Variants in TMEM87B observed in about 807,000 individuals in gnomAD.
TMEM87B encodes the protein transmembrane protein 87B.
A neutral mutation model predicts 80.3 loss-of-function variants in TMEM87B; 83 were observed. That is an observed-to-expected ratio of 1.03 (90% CI 0.87 to 1.24). The LOEUF (loss-of-function observed/expected upper bound fraction) is 1.24. Ranked by LOEUF, TMEM87B falls within the 50% of genes most tolerant of loss-of-function variation. TMEM87B has a pLI of 0.00. For missense variants in TMEM87B, 625 were observed against 674.4 expected (o/e 0.93, Z 0.81); for synonymous variants, 219 against 230.5 (o/e 0.95, Z 0.45).
At chr2:112,068,745 C>G (rs564961699) in intron 4 of TMEM87B, among the ~76,000 whole-genome samples, 1 of 152,246 alleles carries the variant, frequency 6.6e-6, no homozygotes, top group South Asian at 2.1e-4. Context: ...CATGTAGACC[C>G]TGATGAATTA....
At chr2:112,056,476 AGAG>A (rs1678064706) in intron 1 of TMEM87B, among the ~76,000 whole-genome samples, 1 of 152,110 alleles carries the variant, frequency 6.6e-6, no homozygotes, top group African/African-American at 2.4e-5. Flanking sequence ...TCTGGTAATT[AGAG>A]GAGATGATGT....
chr2:112,089,501 G>T lies in TMEM87B; in HGVS notation c.939-124G>T, dbSNP rs1679239211. ...CTAAAACAAAGTACCTCAGAGCCGG[G>T]AACAGACTGATGTGATTAGATAGTG... is the stretch of plus-strand genomic sequence containing the variant. On this transcript the variant is annotated intron_variant, in intron 9 of 18. Coordinates refer to ENST00000283206, the MANE Select transcript of TMEM87B (RefSeq NM_032824.3). The T allele has an allele frequency of 3.6e-6, 3 of 827,016 alleles. No homozygotes were observed. In the East Asian group the frequency reaches 7.8e-5, roughly 22 times the overall value. 51.2% of individuals were successfully genotyped at this position (827,016 alleles called of 1,614,324 possible). A position where few individuals can be genotyped will look rare whatever the true frequency, so the allele number is the denominator to read the frequency against.
At chr2:112,068,600 A>T (rs1678513928) in intron 4 of TMEM87B, among the ~76,000 whole-genome samples, 1 of 151,890 alleles carries the variant, frequency 6.6e-6, no homozygotes, top group African/African-American at 2.4e-5. Context: ...GCTACTTGGG[A>T]GGCTGAGGCA....
intron 8 of TMEM87B, among the ~76,000 whole-genome samples, chr2:112,085,783 C>T (rs1679125866): frequency 6.6e-6 from 1 of 152,158 alleles, no homozygotes; most frequent in South Asian, 2.1e-4. Flanking sequence ...AAGCTGTGCC[C>T]AGTGGAGCAG....
chr2:112,093,987 T>C (rs144388145), intron 11 of TMEM87B, among the ~76,000 whole-genome samples: 189 of 152,250 alleles, frequency 1.2e-3, no homozygotes, highest in African/African-American at 4.5e-3. Context: ...AATGAGCTGA[T>C]TATATCTATT....
intron 13 of TMEM87B, among the ~76,000 whole-genome samples, chr2:112,097,778 A>T (rs1038292360): frequency 6.6e-6 from 1 of 151,772 alleles, no homozygotes; most frequent in Non-Finnish European, 1.5e-5. Flanking sequence ...GTTCCTCCGA[A>T]ATCTCCTTTT....
chr2:112,058,299 G>C (rs72940088), intron 1 of TMEM87B, among the ~76,000 whole-genome samples: 7,181 of 152,290 alleles, frequency 0.047, 303 homozygotes, highest in African/African-American at 0.11. Context: ...TGAGCCTGAG[G>C]CCAGAGGCCT....
Position 112,097,126 on chromosome 2 carries a change from A to T in TMEM87B, c.1187A>T (p.Lys396Ile). The T allele has an allele frequency of 6.2e-7, 1 of 1,609,182 alleles. No homozygotes were observed. The highest frequency in any genetic ancestry group is 8.5e-7 in the Non-Finnish European group (1 of 1,178,356). Residue 396 changes from lysine (K) to isoleucine (I), a missense_variant, in exon 12 of 19, where the codon AAA becomes ATA. Physicochemically the swap from Lys to Ile is moderately radical, Grantham distance 102. Transcript: ENST00000283206. ...TVKFSLYRHF[K>I]NTLIFAVLAS... ...AAATTTTCATTATATAGACATTTTA[A>T]AAATACTCTGATCTTTGCTGTGCTG...
In TMEM87B at chr2:112,086,065, T is replaced by C. The variant is rs1445199194; in HGVS notation, c.899T>C (p.Leu300Pro). ...GCGATTAAGAGGACGTTGGCTCGCC[T>C]TCTCGTGATCATTGTGAGCCTGGGC... The part of the protein sequence containing the change: ...ISAIKRTLAR[L>P]LVIIVSLGYG... Residue 300 changes from leucine to proline, a missense_variant, in exon 9 of 19, where the codon CTT becomes CCT. Physicochemically the swap from Leu to Pro is moderately conservative, Grantham distance 98. Transcript: ENST00000283206. 1.2e-6 allele frequency: 2 copies of C among 1,614,226 alleles called. No individual in the cohort carries two copies. The highest frequency in any genetic ancestry group is 1.7e-6 in the Non-Finnish European group (2 of 1,180,028).
intron 2 of TMEM87B, among the ~76,000 whole-genome samples, chr2:112,062,569 C>T (rs182100834): frequency 1.9e-4 from 29 of 152,318 alleles, no homozygotes; most frequent in Admixed American, 3.9e-4. Context: ...AGTTTAATCC[C>T]AGCCAAAATC....
rs531912803 is a variant in TMEM87B at position 112,085,931 on chromosome 2, ATGT to A, written c.839-68_839-66del. On this transcript the variant is annotated intron_variant, in intron 8 of 18. Coordinates refer to ENST00000283206, the MANE Select transcript of TMEM87B (RefSeq NM_032824.3). ...GTTCGAATGTAGTTATACACAGGAC[ATGT>A]TGTTGAGAATCTTGGTTGGCAGGCT... is the stretch of plus-strand genomic sequence containing the variant. The A allele has an allele frequency of 2.0e-4, 237 of 1,210,326 alleles. No homozygotes were observed. In the African/African-American group the frequency reaches 2.9e-3, roughly 15 times the overall value. The allele number at this position is 1,210,326 out of a possible 1,614,324, so 75.0% of individuals were successfully genotyped here. A position where few individuals can be genotyped will look rare whatever the true frequency, so the allele number is the denominator to read the frequency against.
rs374150683 is a variant in TMEM87B at position 112,111,947 on chromosome 2, A to G, written c.1578-952A>G. On this transcript the variant is annotated intron_variant, in intron 17 of 18. Transcript: ENST00000283206. ...TATTGCTAGTGTTTAGCTCTAAACA[A>G]GGTGCCAAGCGTGTAGCAGACTGCC... is the stretch of plus-strand genomic sequence containing the variant. Among the ~76,000 whole-genome samples the G allele has an allele frequency of 7.7e-4, 118 of 152,342 alleles. 1 individual carries two copies. Among genetic ancestry groups the G allele is most frequent in the African/African-American group, 2.8e-3 (115 of 41,570 alleles).
chr2:112,098,928 A>C (rs1265372100), intron 14 of TMEM87B, among the ~76,000 whole-genome samples: 1 of 152,196 alleles, frequency 6.6e-6, no homozygotes, highest in African/African-American at 2.4e-5. Context: ...CAGCGCTTAC[A>C]TTACACCTTG....
At chr2:112,090,746 A>G (rs1193718843) in intron 10 of TMEM87B, among the ~76,000 whole-genome samples, 3 of 152,160 alleles carry the variant, frequency 2.0e-5, no homozygotes, top group African/African-American at 7.2e-5. Context: ...AGTTTTTTGA[A>G]TAAATGGTTG....
intron 5 of TMEM87B, among the ~76,000 whole-genome samples, chr2:112,076,988 G>A (rs1231698626): frequency 2.0e-5 from 3 of 146,854 alleles, no homozygotes; most frequent in Non-Finnish European, 3.0e-5. Context: ...GATCACATGA[G>A]GGGTCAGGAG....
intron 5 of TMEM87B, among the ~76,000 whole-genome samples, chr2:112,076,842 T>TGTGTG (rs1678831446): frequency 1.4e-5 from 2 of 139,188 alleles, no homozygotes; most frequent in Admixed American, 7.3e-5. Context: ...CTTTTCTGTT[T>TGTGTG]TGTGTGTGTG....
intron 14 of TMEM87B, among the ~76,000 whole-genome samples, chr2:112,099,757 C>T (rs904743930): frequency 6.6e-6 from 1 of 150,428 alleles, no homozygotes; most frequent in Non-Finnish European, 1.5e-5. Flanking sequence ...TGTGCCTGTA[C>T]TCCCAGCTAC....
At position 112,086,019 on chromosome 2, in the gene TMEM87B, A is replaced by G. The variant is rs111236640; in HGVS notation, c.853A>G (p.Ile285Val). The G allele has an allele frequency of 6.8e-6, 11 of 1,613,990 alleles. No homozygotes were observed. The Middle Eastern group carries it at 8.3e-4, about 121-fold the overall frequency. ...NTGLSTQGLLIFAELISAIKR... is the reference protein window; with the variant it reads ...NTGLSTQGLLVFAELISAIKR... ...TTCTTCCTCAGCCCAAGGCTTATTG[A>G]TATTTGCGGAGTTGATTTCTGCGAT... The change falls in exon 9 of 19, where the codon ATA (isoleucine) becomes GTA (valine). Residue 285 changes from isoleucine to valine, a missense_variant. Coordinates refer to ENST00000283206, the MANE Select transcript of TMEM87B (RefSeq NM_032824.3).
chr2:112,068,930 T>C (rs938620604), intron 4 of TMEM87B, among the ~76,000 whole-genome samples: 9 of 151,756 alleles, frequency 5.9e-5, no homozygotes, highest in African/African-American at 2.2e-4. Context: ...CGGTGGCTCA[T>C]GCCTGTAATC....
Sources: allele counts gnomAD v4.1 joint callset (sites outside exome capture counted in the v4.1 genomes callset), GRCh38; gene constraint gnomAD v4.1.1; transcripts MANE v1.5; gene names NCBI Gene and HGNC (gene_info 2026-07-23, HGNC 2026-07-21).